The following STK38L variants were observed in gnomAD, a reference collection of about 807,000 sequenced individuals.
The protein encoded by STK38L is serine/threonine kinase 38 like, also known as serine/threonine-protein kinase 38-like.
Under a neutral mutation model 59.7 loss-of-function variants are expected in STK38L, and 28 were observed. The observed-to-expected ratio is 0.47, with a 90% CI of 0.35 to 0.64. The LOEUF (loss-of-function observed/expected upper bound fraction) is 0.64, where lower values mean the gene tolerates loss of function less well. Ranked by LOEUF, STK38L falls within the 30% of genes least tolerant of loss-of-function variation. STK38L has a pLI of 0.01. For synonymous variants in STK38L, 162 were observed against 176.8 expected (o/e 0.92, Z 0.66); for missense variants, 314 against 555.8 (o/e 0.56, Z 4.37).
chr12:27,283,260 G>A (rs185607470), intron 1 of STK38L, among the ~76,000 whole-genome samples: 7 of 152,246 alleles, frequency 4.6e-5, no homozygotes. Context: ...TTGAGACTAT[G>A]TGTGTGTGTT....
chr12:27,250,847 A>T (rs1263979850), intron 1 of STK38L, among the ~76,000 whole-genome samples: 1 of 151,998 alleles, frequency 6.6e-6, no homozygotes, highest in Non-Finnish European at 1.5e-5. Flanking sequence ...AAAAATAAAA[A>T]AAATAGCCGG....
chr12:27,317,160 T>G (rs1944606761), intron 9 of STK38L, among the ~76,000 whole-genome samples, 176 bp from the exon 10 acceptor site: 1 of 152,230 alleles, frequency 6.6e-6, no homozygotes, highest in South Asian at 2.1e-4. Context: ...TAGTAGTCTA[T>G]AACATATTAT....
rs2136621058 is a variant in STK38L at position 27,274,968 on chromosome 12, C to T, written c.-11-22742C>T. 1.3e-5 allele frequency among the ~76,000 whole-genome samples: 2 copies of T among 152,254 alleles called. 1 individual carries two copies. The highest frequency in any genetic ancestry group is 4.2e-4 in the South Asian group (2 of 4,816). Reference sequence around the variant, plus strand: ...TAAACCTCCCTTCCATTCCTCCCCTCTTCCTTCATTCCTCAAACATTGCCA... The same window carrying T: ...TAAACCTCCCTTCCATTCCTCCCCTTTTCCTTCATTCCTCAAACATTGCCA... On this transcript the variant is annotated intron_variant, in intron 1 of 13. Coordinates refer to ENST00000389032, the MANE Select transcript of STK38L (RefSeq NM_015000.4).
In STK38L at chr12:27,324,586, T is replaced by C. The variant is rs1475727369; in HGVS notation, c.*2131T>C. ...TTTGTTTTGAGTTCCCTCATTCTTA[T>C]TACCAGAAAGAGCTTGCAAATAGTT... is the stretch of plus-strand genomic sequence containing the variant. On this transcript the variant is annotated 3_prime_UTR_variant, in exon 14 of 14. Coordinates refer to ENST00000389032, the MANE Select transcript of STK38L (RefSeq NM_015000.4). 1 of 152,122 alleles carries C rather than the reference T, an allele frequency of 6.6e-6. No individual in the cohort carries two copies. Among genetic ancestry groups the C allele is most frequent in the African/African-American group, 2.4e-5 (1 of 41,456 alleles). The allele number at this position is 152,122 out of a possible 1,614,324, so 9.4% of individuals were successfully genotyped here.
At position 27,323,640 on chromosome 12, in the gene STK38L, G is replaced by C. The variant is rs1217904789; in HGVS notation, c.*1185G>C. The stretch of plus-strand genomic sequence containing the variant: ...CAGACCTGACAGATCTTTGATAGAG[G>C]TCAGCTTATTAAAGGGCAATATTGT... On this transcript the variant is annotated 3_prime_UTR_variant, in exon 14 of 14. Transcript: ENST00000389032. The C allele has an allele frequency of 6.6e-6, 1 of 152,544 alleles. No individual in the cohort carries two copies. Among genetic ancestry groups the C allele is most frequent in the Non-Finnish European group, 1.5e-5 (1 of 68,002 alleles). 9.4% of individuals were successfully genotyped at this position (152,544 alleles called of 1,614,324 possible).
chr12:27,302,332 T>C, intron 3 of STK38L, 144 bp downstream of exon 3: 1 of 603,578 alleles, frequency 1.7e-6, no homozygotes, highest in South Asian at 3.4e-5. Flanking sequence ...ATATCTTTTA[T>C]TGATATCTTT....
intron 1 of STK38L, among the ~76,000 whole-genome samples, chr12:27,278,622 C>G (rs948590162): frequency 3.9e-5 from 6 of 152,136 alleles, no homozygotes; most frequent in Non-Finnish European, 7.4e-5. Flanking sequence ...TTTATTTGGT[C>G]ACCCTGAAAG....
chr12:27,273,212 T>C (rs1943461730), intron 1 of STK38L, among the ~76,000 whole-genome samples: 1 of 152,182 alleles, frequency 6.6e-6, no homozygotes, highest in Non-Finnish European at 1.5e-5. Flanking sequence ...GGCTATGATT[T>C]ATTTTATGGA....
At position 27,308,251 on chromosome 12, in the gene STK38L, T is replaced by G; in HGVS notation, c.187-88T>G. ...ATTACATATTAGTGCTATCATTTAT[T>G]TTTACGTGTATCATCTTTTAATACT... On this transcript the variant is annotated intron_variant, in intron 3 of 13. Coordinates refer to ENST00000389032, the MANE Select transcript of STK38L (RefSeq NM_015000.4). The surrounding 1 kb of genome is among the most constrained non-coding windows in gnomAD (Gnocchi z 4.5). 7.8e-7 allele frequency: 1 copy of G among 1,274,496 alleles called. No individual in the cohort carries two copies. The allele number at this position is 1,274,496 out of a possible 1,614,324, so 78.9% of individuals were successfully genotyped here.
Position 27,312,822 on chromosome 12 carries a change from C to G in STK38L, c.517+150C>G, listed in dbSNP as rs1020496022. ...AAATATTTACTACCATATTGATGCT[C>G]ATTTTTACCACAAAACAGATTGTTT... On this transcript the variant is annotated intron_variant, in intron 6 of 13. Transcript: ENST00000389032. The G allele has an allele frequency of 4.5e-6, 4 of 891,994 alleles. No homozygotes were observed. The East Asian group carries it at 1.1e-4, about 24-fold the overall frequency. 55.3% of individuals were successfully genotyped at this position (891,994 alleles called of 1,614,324 possible).
intron 1 of STK38L, among the ~76,000 whole-genome samples, chr12:27,250,393 T>C (rs763928892): frequency 7.9e-5 from 12 of 152,202 alleles, no homozygotes; most frequent in Non-Finnish European, 1.3e-4. Flanking sequence ...TCTCAAAGTT[T>C]GTCTCCCAGT....
chr12:27,264,603 A>G (rs1226113276), intron 1 of STK38L, among the ~76,000 whole-genome samples: 5 of 152,236 alleles, frequency 3.3e-5, no homozygotes, highest in Admixed American at 2.6e-4. Context: ...CAATACAACA[A>G]TAAAAAATGA....
intron 5 of STK38L, 99 bp downstream of exon 5, chr12:27,309,296 ACTAC>A: frequency 1.4e-6 from 1 of 697,844 alleles, no homozygotes; most frequent in South Asian, 3.0e-5. Flanking sequence ...TACACATCTT[ACTAC>A]ATAAGCTATT....
intron 1 of STK38L, among the ~76,000 whole-genome samples, chr12:27,269,195 A>G (rs1237206583): frequency 6.6e-6 from 1 of 152,170 alleles, no homozygotes; most frequent in Non-Finnish European, 1.5e-5. Flanking sequence ...GTCCTTGCCC[A>G]TGCCTATGTC....
At chr12:27,282,627 G>T (rs1299932723) in intron 1 of STK38L, among the ~76,000 whole-genome samples, 2 of 152,044 alleles carry the variant, frequency 1.3e-5, no homozygotes, top group African/African-American at 2.4e-5. Context: ...AATTGGTACT[G>T]TCTCTCTGGA....
intron 1 of STK38L, among the ~76,000 whole-genome samples, chr12:27,284,673 A>T (rs1186183373): frequency 2.0e-5 from 3 of 152,128 alleles, no homozygotes; most frequent in Non-Finnish European, 4.4e-5. Context: ...TTTTTATTCC[A>T]TTTTAGGTAT....
chr12:27,323,570 T>A lies in STK38L; in HGVS notation c.*1115T>A, dbSNP rs1944779359. 1 of 152,582 alleles carries A rather than the reference T, an allele frequency of 6.6e-6. No homozygotes were observed. The highest frequency in any genetic ancestry group is 2.1e-4 in the South Asian group (1 of 4,830). The allele number at this position is 152,582 out of a possible 1,614,324, so 9.5% of individuals were successfully genotyped here. A position where few individuals can be genotyped will look rare whatever the true frequency, so the allele number is the denominator to read the frequency against. Reference sequence around the variant, plus strand: ...CCAAAGATCTTGAACAGAGTGGATGTTCACAACTGAGTAGAATTTTCCTTT... The same window carrying A: ...CCAAAGATCTTGAACAGAGTGGATGATCACAACTGAGTAGAATTTTCCTTT... On this transcript the variant is annotated 3_prime_UTR_variant, in exon 14 of 14. Coordinates refer to ENST00000389032, the MANE Select transcript of STK38L (RefSeq NM_015000.4).
chr12:27,315,928 C>T (rs1944574903), intron 9 of STK38L, among the ~76,000 whole-genome samples: 1 of 152,170 alleles, frequency 6.6e-6, no homozygotes, highest in African/African-American at 2.4e-5. Context: ...AGAAGAATTG[C>T]TTCCCCTTTC....
chr12:27,252,256 G>C (rs1020213092), intron 1 of STK38L, among the ~76,000 whole-genome samples: 19 of 152,194 alleles, frequency 1.2e-4, no homozygotes, highest in Non-Finnish European at 2.1e-4. Context: ...TGGGATTACA[G>C]GCATGAGCCA....
Sources: gnomAD v4.1 joint callset for allele counts (sites outside exome capture counted in the v4.1 genomes callset) on GRCh38, gnomAD v4.1.1 for gene constraint, Gnocchi (gnomAD v3.1) non-coding constraint, MANE v1.5 for transcripts, NCBI Gene and HGNC (gene_info 2026-07-23, HGNC 2026-07-21) for gene names.